CDC5L: variants seen among roughly 807,000 people sequenced by gnomAD.
CDC5L encodes cell division cycle 5 like, also known as cell division cycle 5-like protein.
In CDC5L, 18 loss-of-function variants were observed where a neutral mutation model predicts 104.1. The ratio of observed to expected loss-of-function variants is 0.17; its 90% CI spans 0.12 to 0.26. The LOEUF is 0.26. Ranked by LOEUF, CDC5L falls within the 10% of genes least tolerant of loss-of-function variation. The probability of loss-of-function intolerance (pLI) is 1.00; values close to 1 mark genes in which losing one functional copy is unlikely to be tolerated. For synonymous variants in CDC5L, 331 were observed against 322.7 expected, an observed-to-expected ratio of 1.03 and a Z score of -0.28; for missense variants, 673 against 956.9, an observed-to-expected ratio of 0.70 and a Z score of 3.91.
At chr6:44,419,653 A>G (rs1376064874) in intron 9 of CDC5L, 56 bp downstream of exon 9, 23 of 1,379,924 alleles carry the variant, frequency 1.7e-5, no homozygotes, top group East Asian at 1.4e-4. Flanking sequence ...AGGACTTAGC[A>G]TATTTGCTTT....
chr6:44,433,023 C>CA (rs973122405), intron 14 of CDC5L, among the ~76,000 whole-genome samples: 2 of 151,990 alleles, frequency 1.3e-5, no homozygotes, highest in African/African-American at 4.8e-5. Flanking sequence ...AGTGGTATCC[C>CA]AAATTAATAA....
intron 9 of CDC5L, among the ~76,000 whole-genome samples, chr6:44,421,133 T>A (rs11571997): frequency 0.013 from 2,005 of 152,324 alleles, 38 homozygotes; most frequent in Admixed American, 0.05. Context: ...CTAAGATCGT[T>A]AATATTTTAC....
intron 5 of CDC5L, among the ~76,000 whole-genome samples, chr6:44,402,117 G>A (rs369917307): frequency 1.0e-4 from 15 of 143,942 alleles, no homozygotes; most frequent in East Asian, 2.0e-4. Context: ...GTAAACATAC[G>A]TGTGCATGTG....
At chr6:44,420,700 A>G (rs1792130378) in intron 9 of CDC5L, among the ~76,000 whole-genome samples, 1 of 152,130 alleles carries the variant, frequency 6.6e-6, no homozygotes, top group Non-Finnish European at 1.5e-5. Context: ...CTCAAAGGAA[A>G]CGCTCATTGA....
intron 6 of CDC5L, among the ~76,000 whole-genome samples, chr6:44,404,670 T>C (rs1791281219): frequency 6.6e-6 from 1 of 152,142 alleles, no homozygotes; most frequent in Non-Finnish European, 1.5e-5. Flanking sequence ...TCTGTCAAAA[T>C]TGAGTCTGGT....
chr6:44,413,420 C>A (rs1791748403), intron 8 of CDC5L, among the ~76,000 whole-genome samples: 1 of 152,070 alleles, frequency 6.6e-6, no homozygotes, highest in East Asian at 1.9e-4. Flanking sequence ...TTGTTTCTAC[C>A]TTTTGACTGT....
intron 5 of CDC5L, among the ~76,000 whole-genome samples, chr6:44,402,999 T>C (rs1183717837): frequency 6.6e-6 from 1 of 152,230 alleles, no homozygotes; most frequent in African/African-American, 2.4e-5. Context: ...GTGTAACTTA[T>C]TTCCTCAGGC....
intron 9 of CDC5L, among the ~76,000 whole-genome samples, chr6:44,420,056 A>ATTTTTT (rs1234254242): frequency 3.9e-5 from 6 of 152,246 alleles, no homozygotes; most frequent in Admixed American, 1.3e-4. Context: ...TTTATTATGT[A>ATTTTTT]ATCCTTTTAT....
At chr6:44,390,509 GTTTGAC>G in intron 2 of CDC5L, 138 bp downstream of exon 2, 1 of 627,128 alleles carries the variant, frequency 1.6e-6, no homozygotes. Flanking sequence ...GAAGTTGGGT[GTTTGAC>G]TTAGCTGTCA....
At chr6:44,444,961 C>G (rs1345292006) in intron 14 of CDC5L, among the ~76,000 whole-genome samples, 1 of 152,130 alleles carries the variant, frequency 6.6e-6, no homozygotes, top group Non-Finnish European at 1.5e-5. Flanking sequence ...TTTGCACTGT[C>G]CCATTAACTC....
chr6:44,440,918 G>A (rs558272469), intron 14 of CDC5L, among the ~76,000 whole-genome samples: 98 of 152,014 alleles, frequency 6.4e-4, no homozygotes, highest in Non-Finnish European at 1.2e-3. Flanking sequence ...ATCTTGGCAA[G>A]GCTGGTCGTG....
chr6:44,417,932 T>C (rs921897000), intron 8 of CDC5L, among the ~76,000 whole-genome samples: 1 of 152,228 alleles, frequency 6.6e-6, no homozygotes, highest in African/African-American at 2.4e-5. Flanking sequence ...TAATTTCATA[T>C]GTGAGGCCAC....
chr6:44,427,600 A>G (rs1792484382), intron 13 of CDC5L, among the ~76,000 whole-genome samples: 1 of 152,176 alleles, frequency 6.6e-6, no homozygotes, highest in Admixed American at 6.5e-5. Context: ...TAGGATTTTT[A>G]GAAAATAGAG....
chr6:44,397,585 A>G (rs1790928643), intron 5 of CDC5L, among the ~76,000 whole-genome samples: 1 of 152,198 alleles, frequency 6.6e-6, no homozygotes, highest in South Asian at 2.1e-4. Flanking sequence ...TGAGAGCTTC[A>G]TTTGTTGTAG....
intron 8 of CDC5L, among the ~76,000 whole-genome samples, chr6:44,413,483 A>ACTC (rs1791752365): frequency 6.6e-6 from 1 of 151,766 alleles, no homozygotes; most frequent in Non-Finnish European, 1.5e-5. Flanking sequence ...TTTTTTCCTT[A>ACTC]CTCTTGCATA....
Position 44,426,553 on chromosome 6 carries a change from A to T in CDC5L, c.1722A>T (p.Leu574=). 1 of 1,609,462 alleles carries T rather than the reference A, an allele frequency of 6.2e-7. No homozygotes were observed. Among genetic ancestry groups the T allele is most frequent in the Non-Finnish European group, 8.5e-7 (1 of 1,176,064 alleles). ...CAGATTTACAGAAAAGTGAAGAACT[A>T]ATCAAAAAAGAAATGATCACAATGC... The part of the protein sequence containing the change: ...PLTDLQKSEE[L]IKKEMITMLH... The change falls in exon 13 of 16, where the codon CTA becomes CTT. Residue 574 remains leucine (L), a synonymous_variant. Coordinates refer to ENST00000371477, the MANE Select transcript of CDC5L (RefSeq NM_001253.4).
intron 2 of CDC5L, among the ~76,000 whole-genome samples, chr6:44,391,765 C>T (rs1221967830): frequency 1.4e-4 from 21 of 150,798 alleles, no homozygotes; most frequent in African/African-American, 4.4e-4. Context: ...CCTAGCACTT[C>T]GGGAGGCCAA....
chr6:44,438,013 G>T (rs922083511), intron 14 of CDC5L, among the ~76,000 whole-genome samples: 7 of 152,114 alleles, frequency 4.6e-5, no homozygotes, highest in African/African-American at 1.7e-4. Context: ...GCAGTGGCGC[G>T]ATCATGGCTC....
rs781298485 is a variant in CDC5L, at chr6:44,422,751, A to T, written c.1346A>T (p.Asn449Ile). 1.2e-6 allele frequency: 2 copies of T among 1,613,064 alleles called. No homozygotes were observed. The highest frequency in any genetic ancestry group is 8.5e-7 in the Non-Finnish European group (1 of 1,179,144). ...PGRTPLRDKL[N>I]INPEDGMADY... ...AGAACTCCTCTTCGAGACAAGTTAA[A>T]CATTAATCCCGAGGATGGAATGGCA... The change falls in exon 10 of 16, where the codon AAC (asparagine) becomes ATC (isoleucine). Residue 449 changes from asparagine to isoleucine, a missense_variant. Around this residue, in one of 4 missense-constraint regions of CDC5L, gnomAD observed 578 missense variants for 737.0 expected, o/e 0.78. Coordinates refer to ENST00000371477, the MANE Select transcript of CDC5L (RefSeq NM_001253.4).
Sources: allele counts gnomAD v4.1 joint callset (sites outside exome capture counted in the v4.1 genomes callset), GRCh38; gene constraint gnomAD v4.1.1; regional missense constraint gnomAD v4.1.1; transcripts MANE v1.5; gene names NCBI Gene and HGNC (gene_info 2026-07-23, HGNC 2026-07-21).